Variants in ANHX observed in about 807,000 individuals in gnomAD.
ANHX encodes anomalous homeobox, also known as anomalous homeobox protein.
A neutral mutation model predicts 38.9 loss-of-function variants in ANHX; 20 were observed. The ratio of observed to expected loss-of-function variants is 0.51; its 90% confidence interval spans 0.36 to 0.75. The LOEUF (loss-of-function observed/expected upper bound fraction) is 0.75. ANHX is among the 30% of genes least tolerant of loss of function. The pLI, the probability that ANHX is intolerant of heterozygous loss-of-function variation, is 0.00. For missense variants in ANHX, 475 were observed against 493.1 expected (o/e 0.96, Z 0.35); for synonymous variants, 185 against 203.1 (o/e 0.91, Z 0.76).
Position 133,220,007 on chromosome 12 carries a change from G to A in ANHX, c.1281-640C>T, listed in dbSNP as rs547590168. ...CCAGACCACAGCAAAACAAAGACCCGAAAATATACCGTATTTACATGAAAT... is the reference window on the plus strand; with the variant it reads ...CCAGACCACAGCAAAACAAAGACCCAAAAATATACCGTATTTACATGAAAT... On this transcript the variant is annotated intron_variant, in intron 8 of 9. Coordinates refer to ENST00000545940, the MANE Select transcript of ANHX (RefSeq NM_001372060.1). 1.1e-4 allele frequency among the ~76,000 whole-genome samples: 17 copies of A among 152,226 alleles called. No homozygotes were observed. The East Asian group carries it at 1.5e-3, about 14-fold the overall frequency.
intron 8 of ANHX, among the ~76,000 whole-genome samples, chr12:133,219,677 C>T (rs1460811142): frequency 3.9e-5 from 6 of 152,122 alleles, no homozygotes; most frequent in Non-Finnish European, 2.9e-5. Context: ...CCGGGATGCA[C>T]GGCACAGTCA....
chr12:133,231,654 A>G lies in ANHX; in HGVS notation c.250-10T>C, dbSNP rs1227669314. ...CCGGCACCTGGCACCCCTGCCAAGA[A>G]GAGTGTACTGAGCCCTGGCCACCTG... is the stretch of plus-strand genomic sequence containing the variant. On this transcript the variant is annotated splice_polypyrimidine_tract_variant and intron_variant, in intron 2 of 9. Transcript: ENST00000545940. 22 of 1,535,794 alleles carry G rather than the reference A, an allele frequency of 1.4e-5. No individual in the cohort carries two copies. The highest frequency in any genetic ancestry group is 1.8e-5 in the Non-Finnish European group (21 of 1,146,888).
intron 7 of ANHX, among the ~76,000 whole-genome samples, chr12:133,224,699 C>G (rs1355517305): frequency 6.9e-6 from 1 of 144,178 alleles, no homozygotes; most frequent in African/African-American, 2.6e-5. Context: ...GGCGTGGTGG[C>G]TCACGCCTGT....
At chr12:133,219,228 G>A in intron 9 of ANHX, 55 bp downstream of exon 9, 3 of 1,445,302 alleles carry the variant, frequency 2.1e-6, no homozygotes, top group Non-Finnish European at 2.8e-6. Context: ...AGCACCATGA[G>A]CTGCAGATCC....
chr12:133,219,035 C>A, intron 9 of ANHX, 64 bp from the exon 10 acceptor site: 1 of 1,406,488 alleles, frequency 7.1e-7, no homozygotes, highest in Non-Finnish European at 9.6e-7. Context: ...TGCCCTCCCA[C>A]CTGGGCACCT....
chr12:133,223,526 A>G (rs1957143033), intron 7 of ANHX, among the ~76,000 whole-genome samples: 2 of 150,780 alleles, frequency 1.3e-5, no homozygotes, highest in African/African-American at 4.9e-5. Context: ...GCTCACTGCA[A>G]CCTCCACCTC....
rs1322153745 is a variant in ANHX at position 133,224,648 on chromosome 12, C to G, written c.1132+888G>C. Among the ~76,000 whole-genome samples the G allele has an allele frequency of 1.3e-4, 12 of 93,930 alleles. 1 individual carries two copies. The highest frequency in any genetic ancestry group is 4.4e-4 in the African/African-American group (10 of 22,758). 61.6% of individuals were successfully genotyped at this position (93,930 alleles called of 152,430 possible). On this transcript the variant is annotated intron_variant, in intron 7 of 9. Transcript: ENST00000545940. Reference sequence around the variant, plus strand: ...ACTGCACTCTAGGCTGGGTGACAGACCAAGACTCCATCTCAAAAAAAAAAA... The same window carrying G: ...ACTGCACTCTAGGCTGGGTGACAGAGCAAGACTCCATCTCAAAAAAAAAAA...
At chr12:133,223,133 G>C (rs1264967737) in intron 7 of ANHX, among the ~76,000 whole-genome samples, 1 of 151,926 alleles carries the variant, frequency 6.6e-6, no homozygotes, top group Admixed American at 6.6e-5. Flanking sequence ...ACATTTCAGT[G>C]AGCCGAGATC....
Position 133,221,829 on chromosome 12 carries a change from T to C in ANHX, c.1133-477A>G, listed in dbSNP as rs1427946106. 6.6e-6 allele frequency among the ~76,000 whole-genome samples: 1 copy of C among 152,206 alleles called. No individual in the cohort carries two copies. The highest frequency in any genetic ancestry group is 1.5e-5 in the Non-Finnish European group (1 of 68,034). On this transcript the variant is annotated intron_variant, in intron 7 of 9. Coordinates refer to ENST00000545940, the MANE Select transcript of ANHX (RefSeq NM_001372060.1). The surrounding 1 kb of genome is among the most constrained non-coding windows in gnomAD (Gnocchi z 4.1). ...GTCACTAGTTTCCCCTCCCTTTGAC[T>C]TTCCAGAGCGTATCTCAGAACATCT...
chr12:133,233,942 G>A (rs139003049), intron 2 of ANHX, among the ~76,000 whole-genome samples, 166 bp downstream of exon 2: 352 of 152,340 alleles, frequency 2.3e-3, no homozygotes, highest in Non-Finnish European at 4.2e-3. Context: ...GCGGAGTAAG[G>A]TTACATAAAA....
At chr12:133,234,732 A>G (rs887599280) in intron 1 of ANHX, 1 of 232,640 alleles carries the variant, frequency 4.3e-6, no homozygotes, top group Non-Finnish European at 8.5e-6. Context: ...GAACCCACAT[A>G]CATGCACTTG....
At chr12:133,219,198 G>T in intron 9 of ANHX, 85 bp downstream of exon 9, 1 of 1,243,046 alleles carries the variant, frequency 8.0e-7, no homozygotes, top group Non-Finnish European at 1.1e-6. Context: ...CACTCCAGTG[G>T]CACTAGCTGA....
rs375664171 is a variant in ANHX at position 133,226,433 on chromosome 12, G to A, written c.724C>T (p.Arg242Cys). The A allele has an allele frequency of 2.7e-5, 41 of 1,533,830 alleles. No individual in the cohort carries two copies. The highest frequency in any genetic ancestry group is 2.1e-4 in the African/African-American group (15 of 73,030). ...GACTGTGGAGGCCCCTTTTCCTCAC[G>A]TTCCTCTGAAAGTGATGAGATGGGA... ...FVDRPQWSEEREEKGPPQSPQ... is the reference protein window; with the variant it reads ...FVDRPQWSEECEEKGPPQSPQ... The change falls in exon 6 of 10, where the codon CGT becomes TGT. Residue 242 changes from arginine to cysteine, a missense_variant. Physicochemically the swap from Arg to Cys is radical, Grantham distance 180. Transcript: ENST00000545940.
intron 2 of ANHX, 127 bp from the exon 3 acceptor site, chr12:133,231,771 T>A (rs1328004036): frequency 2.5e-6 from 3 of 1,222,346 alleles, no homozygotes; most frequent in Admixed American, 5.1e-5. Context: ...GGGTTCTGGG[T>A]TCAAATTCAC....
At chr12:133,228,092 A>T in intron 3 of ANHX, 145 bp from the exon 4 acceptor site, 1 of 950,104 alleles carries the variant, frequency 1.1e-6, no homozygotes, top group South Asian at 1.7e-5. Context: ...CAGTTAGTGA[A>T]AACTAGAGTC....
intron 2 of ANHX, among the ~76,000 whole-genome samples, chr12:133,233,532 C>T (rs1261653109): frequency 6.6e-6 from 1 of 152,222 alleles, no homozygotes; most frequent in Non-Finnish European, 1.5e-5. Flanking sequence ...ACATGCACCA[C>T]TCAGCACGAC....
chr12:133,235,119 G>C (rs36166239), intron 1 of ANHX: 90,455 of 152,072 alleles, frequency 0.59, 27,360 homozygotes, highest in East Asian at 0.88. Flanking sequence ...TACTCCACCC[G>C]TTCCCGGGCT....
In ANHX at chr12:133,232,296, G is replaced by C. The variant is rs1957291941; in HGVS notation, c.250-652C>G. On this transcript the variant is annotated intron_variant, in intron 2 of 9. Coordinates refer to ENST00000545940, the MANE Select transcript of ANHX (RefSeq NM_001372060.1). ...GCTGGTCTCCCGTGACTCCTGTGTGGCTCCCACCATTTCCTTAATTCCAAT... is the reference window on the plus strand; with the variant it reads ...GCTGGTCTCCCGTGACTCCTGTGTGCCTCCCACCATTTCCTTAATTCCAAT... 2.6e-5 allele frequency among the ~76,000 whole-genome samples: 4 copies of C among 152,242 alleles called. No homozygotes were observed. In the South Asian group the frequency reaches 8.3e-4, roughly 32 times the overall value.
At chr12:133,225,505 GA>G (rs544177183) in intron 7 of ANHX, among the ~76,000 whole-genome samples, 30 bp downstream of exon 7, 9 of 152,228 alleles carry the variant, frequency 5.9e-5, no homozygotes, top group Non-Finnish European at 1.2e-4. Flanking sequence ...GTCTGGTGCT[GA>G]AACTCATGGT....
Sources: gnomAD v4.1 joint callset for allele counts (sites outside exome capture counted in the v4.1 genomes callset) on GRCh38, gnomAD v4.1.1 for gene constraint, Gnocchi (gnomAD v3.1) non-coding constraint, MANE v1.5 for transcripts, NCBI Gene and HGNC (gene_info 2026-07-23, HGNC 2026-07-21) for gene names.